Variants in PCDHGA4 observed in about 807,000 individuals in gnomAD.
PCDHGA4 encodes the protein protocadherin gamma-A4.
A neutral mutation model predicts 54.6 loss-of-function variants in PCDHGA4; 38 were observed. That is an observed-to-expected ratio of 0.70 (90% CI 0.54 to 0.91). The LOEUF (loss-of-function observed/expected upper bound fraction) is 0.91. Ranked by LOEUF, PCDHGA4 falls within the 40% of genes least tolerant of loss-of-function variation. The probability of loss-of-function intolerance (pLI) is 0.00; values close to 1 mark genes in which losing one functional copy is unlikely to be tolerated. For missense variants in PCDHGA4, 1,298 were observed against 1,220.9 expected, an observed-to-expected ratio of 1.06 and a Z score of -0.94; for synonymous variants, 511 against 512.9, an observed-to-expected ratio of 1.00 and a Z score of 0.05.
chr5:141,373,242 C>T (rs1241005147), intron 1 of PCDHGA4, among the ~76,000 whole-genome samples: 1 of 152,106 alleles, frequency 6.6e-6, no homozygotes, highest in Non-Finnish European at 1.5e-5. Context: ...TTTTTACTTC[C>T]CTTTGCATGT....
At position 141,422,383 on chromosome 5, in the gene PCDHGA4, T is replaced by C. The variant is rs201301291; in HGVS notation, c.2514+64762T>C. On this transcript the variant is annotated intron_variant, in intron 1 of 3. Transcript: ENST00000571252. ...TGGAGAAAATGGTCAAGTCTCCTGT[T>C]TTATTCCTAACCACCTGCCTTTTAA... 554 of 1,586,008 alleles carry C rather than the reference T, an allele frequency of 3.5e-4. 2 individuals are homozygous for C. The African/African-American group carries it at 6.9e-3, about 20-fold the overall frequency.
At chr5:141,371,220 G>T in intron 1 of PCDHGA4, 2 of 1,613,994 alleles carry the variant, frequency 1.2e-6, no homozygotes, top group Non-Finnish European at 1.7e-6. Flanking sequence ...CATCAATGCC[G>T]AAATCATCTA....
At chr5:141,413,012 A>T in intron 1 of PCDHGA4, 1 of 657,714 alleles carries the variant, frequency 1.5e-6, no homozygotes, top group Non-Finnish European at 2.5e-6. Context: ...GGCTTCAACT[A>T]CACAAGCCCC....
chr5:141,405,746 G>A (rs1174743960), intron 1 of PCDHGA4, among the ~76,000 whole-genome samples: 1 of 152,108 alleles, frequency 6.6e-6, no homozygotes, highest in Non-Finnish European at 1.5e-5. Context: ...CCAAAGCACT[G>A]GGATTACAGG....
intron 1 of PCDHGA4, among the ~76,000 whole-genome samples, chr5:141,494,361 G>A (rs1311268562): frequency 6.6e-6 from 1 of 152,184 alleles, no homozygotes; most frequent in African/African-American, 2.4e-5. Flanking sequence ...TGCTGCAGAG[G>A]ATGCTTTGTT....
At chr5:141,385,961 C>T (rs1446108095) in intron 1 of PCDHGA4, 2 of 152,166 alleles carry the variant, frequency 1.3e-5, no homozygotes, top group African/African-American at 2.4e-5. Context: ...CACTAAAGGC[C>T]ATCGGACAAA....
At position 141,486,250 on chromosome 5, in the gene PCDHGA4, C is replaced by T; in HGVS notation, c.2515-8557C>T. 1 of 1,614,140 alleles carries T rather than the reference C, an allele frequency of 6.2e-7. No homozygotes were observed. The highest frequency in any genetic ancestry group is 2.2e-5 in the East Asian group (1 of 44,872). On this transcript the variant is annotated intron_variant, in intron 1 of 3. Coordinates refer to ENST00000571252, the MANE Select transcript of PCDHGA4 (RefSeq NM_018917.4). The surrounding 1 kb of genome is among the most constrained non-coding windows in gnomAD (Gnocchi z 5.0). ...CAGTGACCTCAGAGCTTGGAACCCT[C>T]CCCGAGAGTGCAGAACCTGGCACTG...
intron 1 of PCDHGA4, chr5:141,399,825 C>T (rs1439243162): frequency 1.9e-6 from 3 of 1,613,178 alleles, no homozygotes; most frequent in Non-Finnish European, 2.5e-6. Flanking sequence ...TGGGTCCCGA[C>T]GGCTCTGCGC....
At chr5:141,418,632 G>A in intron 1 of PCDHGA4, 1 of 1,614,028 alleles carries the variant, frequency 6.2e-7, no homozygotes, top group Non-Finnish European at 8.5e-7. Flanking sequence ...GTGCCTCCAG[G>A]CACCTCCATC....
In PCDHGA4 at chr5:141,431,961, A is replaced by C; in HGVS notation, c.2515-62846A>C. Reference sequence around the variant, plus strand: ...AAATTAGAAAAATCTTACGGAAATTACTATAGTTTAGTCACAGACATAGTC... The same window carrying C: ...AAATTAGAAAAATCTTACGGAAATTCCTATAGTTTAGTCACAGACATAGTC... On this transcript the variant is annotated intron_variant, in intron 1 of 3. Transcript: ENST00000571252. The surrounding 1 kb of genome is among the most constrained non-coding windows in gnomAD (Gnocchi z 4.8). 1 of 1,614,206 alleles carries C rather than the reference A, an allele frequency of 6.2e-7. No homozygotes were observed.
Position 141,366,231 on chromosome 5 carries a change from A to G in PCDHGA4, c.2514+8610A>G, listed in dbSNP as rs1288043202. 3 of 1,613,786 alleles carry G rather than the reference A, an allele frequency of 1.9e-6. No homozygotes were observed. Among genetic ancestry groups the G allele is most frequent in the Non-Finnish European group, 2.5e-6 (3 of 1,180,026 alleles). On this transcript the variant is annotated intron_variant, in intron 1 of 3. Transcript: ENST00000571252. ...GTGCGCACAGCGCGAGCCCTGCTGG[A>G]CAGAGACGCGCTCAAGCAGAGCCTC...
intron 1 of PCDHGA4, chr5:141,365,398 C>T: frequency 1.2e-6 from 2 of 1,613,978 alleles, no homozygotes; most frequent in Non-Finnish European, 1.7e-6. Flanking sequence ...CCAGTTCGAT[C>T]TCTGAAGACT....
rs1177043977 is a variant in PCDHGA4, at chr5:141,491,919, C to G, written c.2515-2888C>G. On this transcript the variant is annotated intron_variant, in intron 1 of 3. Coordinates refer to ENST00000571252, the MANE Select transcript of PCDHGA4 (RefSeq NM_018917.4). The surrounding 1 kb of genome is among the most constrained non-coding windows in gnomAD (Gnocchi z 6.9). ...CACCGGGGGTGGTGGCGACTGTGGG[C>G]GAGGGGAGGTGGGACCGACCCCCAC... 5 of 1,361,900 alleles carry G rather than the reference C, an allele frequency of 3.7e-6. No homozygotes were observed. The South Asian group carries it at 7.8e-5, about 21-fold the overall frequency. The allele number at this position is 1,361,900 out of a possible 1,614,324, so 84.4% of individuals were successfully genotyped here. A position where few individuals can be genotyped will look rare whatever the true frequency, so the allele number is the denominator to read the frequency against.
intron 1 of PCDHGA4, chr5:141,375,132 C>T (rs1771158869): frequency 6.2e-7 from 1 of 1,613,952 alleles, no homozygotes; most frequent in Non-Finnish European, 8.5e-7. Flanking sequence ...GTGGTTGTTA[C>T]ATCTGGAAGC....
intron 1 of PCDHGA4, among the ~76,000 whole-genome samples, chr5:141,442,846 C>T (rs1489647686): frequency 2.6e-5 from 4 of 152,234 alleles, no homozygotes; most frequent in Non-Finnish European, 4.4e-5. Context: ...AAATCTTGGC[C>T]ATTGTAGTAT....
rs759146011 is a variant in PCDHGA4, at chr5:141,477,635, G to A, written c.2515-17172G>A. 6.2e-7 allele frequency: 1 copy of A among 1,614,138 alleles called. No homozygotes were observed. The highest frequency in any genetic ancestry group is 8.5e-7 in the Non-Finnish European group (1 of 1,180,040). On this transcript the variant is annotated intron_variant, in intron 1 of 3. Coordinates refer to ENST00000571252, the MANE Select transcript of PCDHGA4 (RefSeq NM_018917.4). This position sits in a 1 kb window ranked among gnomAD's most constrained non-coding sequence, Gnocchi z 4.9. ...GCAAGGAGCTGAAACCGGGCTAGTG[G>A]GTCGCTATTTCACAATAAATCGTGA...
intron 1 of PCDHGA4, chr5:141,408,394 C>T: frequency 6.2e-7 from 1 of 1,614,034 alleles, no homozygotes; most frequent in Non-Finnish European, 8.5e-7. Flanking sequence ...TGTCGGCTCG[C>T]AAGCTGCGAG....
In PCDHGA4 at chr5:141,511,036, G is replaced by T; in HGVS notation, c.2752G>T (p.Val918Leu). The T allele has an allele frequency of 1.2e-6, 2 of 1,614,200 alleles. No homozygotes were observed. The highest frequency in any genetic ancestry group is 1.7e-6 in the Non-Finnish European group (2 of 1,180,024). Residue 918 changes from valine to leucine, a missense_variant, in exon 4 of 4, where the codon GTG (valine) becomes TTG (leucine). Transcript: ENST00000571252. ...RYGPQFTLQHVPDYRQNVYIP... is the reference protein window; with the variant it reads ...RYGPQFTLQHLPDYRQNVYIP... Reference sequence around the variant, plus strand: ...CGGACCCCAGTTCACCCTGCAGCACGTGCCCGACTACCGCCAGAATGTCTA... The same window carrying T: ...CGGACCCCAGTTCACCCTGCAGCACTTGCCCGACTACCGCCAGAATGTCTA...
intron 1 of PCDHGA4, chr5:141,384,223 G>A (rs1779858487): frequency 6.2e-7 from 1 of 1,613,742 alleles, no homozygotes; most frequent in African/African-American, 1.3e-5. Context: ...ATTCATGCAG[G>A]TGGCAGACAC....
Sources: gnomAD v4.1 joint callset for allele counts (sites outside exome capture counted in the v4.1 genomes callset) on GRCh38, gnomAD v4.1.1 for gene constraint, Gnocchi (gnomAD v3.1) non-coding constraint, MANE v1.5 for transcripts, NCBI Gene and HGNC (gene_info 2026-07-23, HGNC 2026-07-21) for gene names.